NECAB1: variants seen among roughly 807,000 people sequenced by gnomAD.
The protein encoded by NECAB1 is N-terminal EF-hand calcium binding protein 1.
NECAB1 carries 29 observed loss-of-function variants against 57.5 expected under a neutral mutation model. The observed-to-expected ratio is 0.50, with a 90% CI of 0.38 to 0.69. The LOEUF is 0.69. NECAB1 is among the 30% of genes least tolerant of loss of function. The pLI, the probability that NECAB1 is intolerant of heterozygous loss-of-function variation, is 0.00. For synonymous variants in NECAB1, 142 were observed against 147.7 expected (o/e 0.96, Z 0.28); for missense variants, 372 against 413.8 (o/e 0.90, Z 0.88).
At chr8:90,883,162 C>T (rs1418916492) in intron 5 of NECAB1, among the ~76,000 whole-genome samples, 1 of 151,934 alleles carries the variant, frequency 6.6e-6, no homozygotes, top group African/African-American at 2.4e-5. Context: ...GTTACAAAAT[C>T]TTTTTCTTGG....
chr8:90,850,141 T>G (rs113352306), intron 3 of NECAB1, among the ~76,000 whole-genome samples: 547 of 152,150 alleles, frequency 3.6e-3, no homozygotes, highest in Non-Finnish European at 5.5e-3. Flanking sequence ...GAGAGAGAGA[T>G]AAAAGTAGAG....
intron 5 of NECAB1, among the ~76,000 whole-genome samples, chr8:90,892,596 A>G (rs147731636): frequency 1.3e-5 from 2 of 152,220 alleles, no homozygotes; most frequent in East Asian, 3.9e-4. Flanking sequence ...ATTCTCTACG[A>G]TCAAGTCAGT....
intron 2 of NECAB1, among the ~76,000 whole-genome samples, chr8:90,812,471 A>G (rs1411537854): frequency 2.0e-5 from 3 of 152,184 alleles, no homozygotes; most frequent in African/African-American, 7.2e-5. Flanking sequence ...CATTCTTTCT[A>G]GCCACGAAAA....
At chr8:90,844,059 T>C (rs768090486) in intron 3 of NECAB1, among the ~76,000 whole-genome samples, 3 of 152,208 alleles carry the variant, frequency 2.0e-5, no homozygotes, top group Non-Finnish European at 4.4e-5. Flanking sequence ...TTTTTTTTCC[T>C]GTAACTCAAT....
intron 4 of NECAB1, among the ~76,000 whole-genome samples, chr8:90,880,497 T>G (rs1808816925): frequency 6.7e-6 from 1 of 150,048 alleles, no homozygotes; most frequent in Non-Finnish European, 1.5e-5. Context: ...CTGAAAAGAG[T>G]GATAGACTTT....
intron 5 of NECAB1, among the ~76,000 whole-genome samples, chr8:90,887,114 A>G (rs1217165687): frequency 6.6e-6 from 1 of 152,118 alleles, no homozygotes; most frequent in Non-Finnish European, 1.5e-5. Flanking sequence ...GTGACATGCC[A>G]TTTATCATCC....
At chr8:90,877,073 A>ACATCAGT (rs1162492457) in intron 4 of NECAB1, among the ~76,000 whole-genome samples, 1 of 152,228 alleles carries the variant, frequency 6.6e-6, no homozygotes, top group Non-Finnish European at 1.5e-5. Context: ...CAAATGAGAA[A>ACATCAGT]CATCAGTCAC....
intron 3 of NECAB1, among the ~76,000 whole-genome samples, chr8:90,860,379 TA>T (rs1424959532): frequency 1.3e-5 from 2 of 152,074 alleles, no homozygotes; most frequent in African/African-American, 2.4e-5. Flanking sequence ...TATAGAGCTC[TA>T]AAAATGATGC....
chr8:90,919,218 TAGAGA>T (rs1182399604), intron 6 of NECAB1, among the ~76,000 whole-genome samples: 1 of 152,224 alleles, frequency 6.6e-6, no homozygotes, highest in Non-Finnish European at 1.5e-5. Flanking sequence ...CTTTGCAAGC[TAGAGA>T]AGCTTGCAAA....
intron 3 of NECAB1, among the ~76,000 whole-genome samples, chr8:90,871,546 A>G (rs576121582): frequency 1.3e-5 from 2 of 152,248 alleles, no homozygotes; most frequent in South Asian, 4.1e-4. Context: ...TTGTTTTAGA[A>G]ATCATATGAA....
chr8:90,934,674 T>C (rs1810490000), intron 9 of NECAB1, among the ~76,000 whole-genome samples: 1 of 152,166 alleles, frequency 6.6e-6, no homozygotes, highest in African/African-American at 2.4e-5. Context: ...CATAAACATT[T>C]TGTAAATCCT....
intron 5 of NECAB1, among the ~76,000 whole-genome samples, chr8:90,917,260 A>T (rs1462376534): frequency 6.6e-6 from 1 of 151,964 alleles, no homozygotes; most frequent in African/African-American, 2.4e-5. Flanking sequence ...TGAGGCAGGT[A>T]TATTGGGAGG....
chr8:90,835,526 T>C (rs1023209879), intron 3 of NECAB1, among the ~76,000 whole-genome samples: 3 of 152,100 alleles, frequency 2.0e-5, no homozygotes, highest in Non-Finnish European at 4.4e-5. Context: ...TTAGGACTAA[T>C]ATAAAAATAC....
chr8:90,936,833 AGAT>A (rs1810551003), intron 9 of NECAB1, among the ~76,000 whole-genome samples: 1 of 151,950 alleles, frequency 6.6e-6, no homozygotes, highest in East Asian at 1.9e-4. Context: ...CCAGAGTAAG[AGAT>A]GTAACACTTA....
chr8:90,943,757 T>C (rs1810730165), intron 10 of NECAB1, among the ~76,000 whole-genome samples: 1 of 152,180 alleles, frequency 6.6e-6, no homozygotes, highest in Non-Finnish European at 1.5e-5. Context: ...TTTGCACCTA[T>C]TTTCTTATTT....
chr8:90,824,055 CA>C (rs1812187456), intron 2 of NECAB1, among the ~76,000 whole-genome samples: 1 of 151,522 alleles, frequency 6.6e-6, no homozygotes, highest in African/African-American at 2.4e-5. Flanking sequence ...CCAAAACTCC[CA>C]TACAGTTAAA....
At chr8:90,948,487 C>A (rs1306492193) in intron 10 of NECAB1, among the ~76,000 whole-genome samples, 1 of 152,096 alleles carries the variant, frequency 6.6e-6, no homozygotes, top group Non-Finnish European at 1.5e-5. Context: ...TTAGGTAAAT[C>A]CTAAATCTAC....
At chr8:90,881,669 G>C (rs1808841734) in intron 5 of NECAB1, among the ~76,000 whole-genome samples, 1 of 152,132 alleles carries the variant, frequency 6.6e-6, no homozygotes, top group African/African-American at 2.4e-5. Context: ...GGCCTCCCTA[G>C]AAACAGAAGC....
chr8:90,906,891 A>ATGTATG (rs1554574081), intron 5 of NECAB1, among the ~76,000 whole-genome samples: 2 of 113,396 alleles, frequency 1.8e-5, no homozygotes, highest in African/African-American at 4.0e-5. Context: ...ATATATATAT[A>ATGTATG]TATATATATA....
Sources: allele counts gnomAD v4.1 joint callset (sites outside exome capture counted in the v4.1 genomes callset), GRCh38; gene constraint gnomAD v4.1.1; transcripts MANE v1.5; gene names NCBI Gene and HGNC (gene_info 2026-07-23, HGNC 2026-07-21).